CTNNA2: variants seen among roughly 807,000 people sequenced by gnomAD.
The protein encoded by CTNNA2 is catenin alpha 2.
CTNNA2 carries 42 observed loss-of-function variants against 101.0 expected under a neutral mutation model. That is an observed-to-expected ratio of 0.42 (90% CI 0.32 to 0.54). The LOEUF is 0.54. Ranked by LOEUF, CTNNA2 falls within the 20% of genes least tolerant of loss-of-function variation. The pLI is 0.14. For synonymous variants in CTNNA2, 450 were observed against 456.4 expected (o/e 0.99, Z 0.18); for missense variants, 871 against 1,223.1 (o/e 0.71, Z 4.29).
intron 1 of CTNNA2, among the ~76,000 whole-genome samples, chr2:79,603,899 C>G (rs1315214513): frequency 6.6e-6 from 1 of 152,110 alleles, no homozygotes; most frequent in Non-Finnish European, 1.5e-5. Flanking sequence ...CTGCAACTGG[C>G]ATTGGTTAAA....
intron 3 of CTNNA2, among the ~76,000 whole-genome samples, chr2:79,363,563 CA>C (rs56705192): frequency 1.5e-3 from 225 of 145,690 alleles, no homozygotes; most frequent in Admixed American, 2.1e-3. Context: ...CTTCCCCCAG[CA>C]AAAAAAAAAA....
intron 9 of CTNNA2, among the ~76,000 whole-genome samples, chr2:80,430,331 A>T (rs539705794): frequency 6.6e-6 from 1 of 152,166 alleles, no homozygotes; most frequent in Non-Finnish European, 1.5e-5. Flanking sequence ...ATGTTCACAC[A>T]TTATCTCTTC....
intron 9 of CTNNA2, among the ~76,000 whole-genome samples, chr2:80,424,900 C>T (rs1487871326): frequency 6.6e-6 from 1 of 152,196 alleles, no homozygotes; most frequent in Non-Finnish European, 1.5e-5. Context: ...CTTTGAACCT[C>T]TCTTCTCTAT....
intron 3 of CTNNA2, among the ~76,000 whole-genome samples, chr2:79,753,688 C>T (rs142496543): frequency 6.6e-6 from 1 of 152,192 alleles, no homozygotes; most frequent in Non-Finnish European, 1.5e-5. Flanking sequence ...TCTTATGGAG[C>T]AGAGTGACAA....
At chr2:79,837,118 A>T (rs6723861) in intron 3 of CTNNA2, among the ~76,000 whole-genome samples, 74,574 of 151,990 alleles carry the variant, frequency 0.49, 18,976 homozygotes, top group African/African-American at 0.62. Context: ...GAACTAATGG[A>T]ATATATATGT....
chr2:79,949,942 T>C (rs1398229711), intron 7 of CTNNA2, among the ~76,000 whole-genome samples: 1 of 152,216 alleles, frequency 6.6e-6, no homozygotes, highest in Non-Finnish European at 1.5e-5. Flanking sequence ...ATTGATTTTT[T>C]TCTGAACGTT....
intron 4 of CTNNA2, among the ~76,000 whole-genome samples, chr2:79,445,081 C>T (rs1404852605): frequency 2.0e-5 from 3 of 152,140 alleles, no homozygotes; most frequent in Non-Finnish European, 4.4e-5. Context: ...GGATGCTAGA[C>T]AGGCAGGGTT....
At chr2:80,299,498 AAAGT>A (rs1334889271) in intron 7 of CTNNA2, 1 of 152,178 alleles carries the variant, frequency 6.6e-6, no homozygotes, top group African/African-American at 2.4e-5. Flanking sequence ...ACACACACAC[AAAGT>A]AAGAACATAG....
At chr2:79,839,446 G>T (rs1298530945) in intron 3 of CTNNA2, among the ~76,000 whole-genome samples, 3 of 151,884 alleles carry the variant, frequency 2.0e-5, no homozygotes, top group African/African-American at 4.8e-5. Flanking sequence ...CTGAATAAGA[G>T]AATTTATTTT....
At chr2:79,278,568 G>A (rs1454742895) in intron 2 of CTNNA2, among the ~76,000 whole-genome samples, 1 of 152,028 alleles carries the variant, frequency 6.6e-6, no homozygotes, top group Admixed American at 6.6e-5. Flanking sequence ...ATTACATTAT[G>A]CAAATTGAAA....
chr2:80,556,091 T>C (rs1277227538), intron 12 of CTNNA2, among the ~76,000 whole-genome samples, 198 bp downstream of exon 12: 1 of 152,244 alleles, frequency 6.6e-6, no homozygotes, highest in Non-Finnish European at 1.5e-5. Context: ...ACAGTTGTAC[T>C]GCTTTGCATG....
intron 7 of CTNNA2, among the ~76,000 whole-genome samples, chr2:80,088,441 C>T (rs1699581756): frequency 6.6e-6 from 1 of 151,910 alleles, no homozygotes; most frequent in Non-Finnish European, 1.5e-5. Context: ...GCTGTCTTGT[C>T]CCTTATTGGT....
At chr2:80,386,706 T>G (rs1300669829) in intron 7 of CTNNA2, among the ~76,000 whole-genome samples, 1 of 152,240 alleles carries the variant, frequency 6.6e-6, no homozygotes, top group Non-Finnish European at 1.5e-5. Context: ...TGACAACAAT[T>G]TGAAAACTGG....
intron 6 of CTNNA2, among the ~76,000 whole-genome samples, chr2:79,889,462 G>A (rs916094707): frequency 1.3e-5 from 2 of 152,172 alleles, no homozygotes; most frequent in Non-Finnish European, 1.5e-5. Flanking sequence ...TAAATAGTCG[G>A]TTGTGGTTTG....
chr2:80,181,206 C>T (rs1396098835), intron 7 of CTNNA2, among the ~76,000 whole-genome samples: 2 of 152,148 alleles, frequency 1.3e-5, no homozygotes, highest in African/African-American at 2.4e-5. Flanking sequence ...ATTGTCTTGC[C>T]TAGCAACTGC....
chr2:79,684,895 C>T (rs1434374789), intron 2 of CTNNA2, among the ~76,000 whole-genome samples: 3 of 152,262 alleles, frequency 2.0e-5, no homozygotes, highest in African/African-American at 4.8e-5. Context: ...TCCCTTCTGG[C>T]CTCTGTGAGC....
intron 2 of CTNNA2, among the ~76,000 whole-genome samples, chr2:79,742,531 C>G (rs567523291): frequency 6.6e-6 from 1 of 152,020 alleles, no homozygotes; most frequent in Non-Finnish European, 1.5e-5. Flanking sequence ...ATTGGCTGTT[C>G]TGGGGAGTTG....
rs557218121 is a variant in CTNNA2 at position 80,286,495 on chromosome 2, A to G, written c.1057-106716A>G. 3.0e-4 allele frequency among the ~76,000 whole-genome samples: 46 copies of G among 152,334 alleles called. No individual in the cohort carries two copies. The East Asian group carries it at 7.7e-3, about 26-fold the overall frequency. On this transcript the variant is annotated intron_variant, in intron 7 of 18. Coordinates refer to ENST00000402739, the MANE Select transcript of CTNNA2 (RefSeq NM_001282597.3). ...AATTAGATTCTGGATTGTCCTGGTG[A>G]TGAAGTAGCTACTTATAAAATATCA... is the stretch of plus-strand genomic sequence containing the variant.
chr2:80,362,621 G>C (rs1222824396), intron 7 of CTNNA2, among the ~76,000 whole-genome samples: 4 of 152,076 alleles, frequency 2.6e-5, no homozygotes, highest in Non-Finnish European at 5.9e-5. Flanking sequence ...TAATATTTAA[G>C]TGGAAACTTA....
Sources: allele counts gnomAD v4.1 joint callset (sites outside exome capture counted in the v4.1 genomes callset), GRCh38; gene constraint gnomAD v4.1.1; transcripts MANE v1.5; gene names NCBI Gene and HGNC (gene_info 2026-07-23, HGNC 2026-07-21).